CCDC38: variants seen among roughly 807,000 people sequenced by gnomAD.
CCDC38 encodes the protein coiled-coil domain containing 38, also known as coiled-coil domain-containing protein 38.
CCDC38 carries 69 observed loss-of-function variants against 72.8 expected under a neutral mutation model. That is an observed-to-expected ratio of 0.95 (90% CI 0.78 to 1.16). CCDC38 has a LOEUF of 1.16. CCDC38 is among the 50% of genes most tolerant of loss of function. CCDC38 has a pLI of 0.00. For missense variants in CCDC38, 626 were observed against 638.9 expected, an observed-to-expected ratio of 0.98 and a Z score of 0.22; for synonymous variants, 201 against 213.2, an observed-to-expected ratio of 0.94 and a Z score of 0.50.
chr12:95,871,153 G>A (rs2079576910), intron 14 of CCDC38, among the ~76,000 whole-genome samples: 2 of 152,128 alleles, frequency 1.3e-5, no homozygotes, highest in South Asian at 4.2e-4. Context: ...GTAAGCTAGG[G>A]GTCATATTTA....
intron 2 of CCDC38, among the ~76,000 whole-genome samples, chr12:95,925,464 T>C (rs1194971109): frequency 2.0e-5 from 3 of 151,938 alleles, no homozygotes; most frequent in Non-Finnish European, 2.9e-5. Flanking sequence ...GTTTTCTAGA[T>C]ATACAATCAA....
Position 95,902,598 on chromosome 12 carries a change from C to A in CCDC38, c.369+3789G>T, listed in dbSNP as rs576196482. Among the ~76,000 whole-genome samples, 11 of 152,120 alleles carry A rather than the reference C, an allele frequency of 7.2e-5. No homozygotes were observed. The South Asian group carries it at 2.1e-3, about 29-fold the overall frequency. ...TAGTAATCAGTTATGTTGATATACCCCAGTTTGGTTACCCATTTACCTGTT... is the reference window on the plus strand; with the variant it reads ...TAGTAATCAGTTATGTTGATATACCACAGTTTGGTTACCCATTTACCTGTT... On this transcript the variant is annotated intron_variant, in intron 5 of 15. Transcript: ENST00000344280.
In CCDC38 at chr12:95,890,278, C is replaced by T. The variant is rs188272325; in HGVS notation, c.871+554G>A. 3.9e-5 allele frequency among the ~76,000 whole-genome samples: 6 copies of T among 152,310 alleles called. No individual in the cohort carries two copies. In the East Asian group the frequency reaches 1.2e-3, roughly 29 times the overall value. On this transcript the variant is annotated intron_variant, in intron 9 of 15. Coordinates refer to ENST00000344280, the MANE Select transcript of CCDC38 (RefSeq NM_182496.3). ...ACACCAAAACACTGGGGCCAGATAGCGCAGCCCAGTGGGCCAAATCTCCGG... is the reference window on the plus strand; with the variant it reads ...ACACCAAAACACTGGGGCCAGATAGTGCAGCCCAGTGGGCCAAATCTCCGG...
rs2080194129 is a variant in CCDC38, at chr12:95,920,593, C to T, written c.38-1617G>A. Among the ~76,000 whole-genome samples, 6 of 151,676 alleles carry T rather than the reference C, an allele frequency of 4.0e-5. No individual in the cohort carries two copies. The South Asian group carries it at 1.2e-3, about 32-fold the overall frequency. ...TGGAAACATGTTAAGTAAAAGAAGC[C>T]AGTAACAAAGGACCACACATTATAT... is the stretch of plus-strand genomic sequence containing the variant. On this transcript the variant is annotated intron_variant, in intron 2 of 15. Transcript: ENST00000344280.
At chr12:95,892,278 CTT>C (rs774500212) in intron 8 of CCDC38, among the ~76,000 whole-genome samples, 4 of 75,976 alleles carry the variant, frequency 5.3e-5, no homozygotes, top group Non-Finnish European at 9.3e-5. Context: ...TTATTACAAT[CTT>C]TTTTTTTTTT....
chr12:95,881,319 C>T (rs567263597), intron 11 of CCDC38, among the ~76,000 whole-genome samples, 166 bp downstream of exon 11: 1 of 146,312 alleles, frequency 6.8e-6, no homozygotes, highest in African/African-American at 2.4e-5. Context: ...TGTCTTATGA[C>T]AAAGATAGAT....
At chr12:95,934,417 T>G (rs1165183080) in intron 2 of CCDC38, 1 of 152,150 alleles carries the variant, frequency 6.6e-6, no homozygotes, top group African/African-American at 2.4e-5. Flanking sequence ...ATGTCAAAAC[T>G]CATGCTGCTT....
intron 2 of CCDC38, chr12:95,919,763 T>G: frequency 2.6e-6 from 1 of 386,000 alleles, no homozygotes; most frequent in Non-Finnish European, 5.2e-6. Context: ...CAGCAACAGA[T>G]ACAGCCACTA....
intron 2 of CCDC38, chr12:95,919,500 T>C (rs1256461488): frequency 2.2e-6 from 1 of 455,846 alleles, no homozygotes; most frequent in Non-Finnish European, 4.4e-6. Flanking sequence ...GAGTATGGAG[T>C]CCTTCTCAGG....
At chr12:95,917,479 T>C (rs995970406) in intron 3 of CCDC38, among the ~76,000 whole-genome samples, 185 bp from the exon 4 acceptor site, 2 of 152,212 alleles carry the variant, frequency 1.3e-5, no homozygotes, top group African/African-American at 2.4e-5. Context: ...GCTGAGATCA[T>C]TTAACTTTTA....
At chr12:95,920,413 C>G (rs913242767) in intron 2 of CCDC38, among the ~76,000 whole-genome samples, 2 of 152,134 alleles carry the variant, frequency 1.3e-5, no homozygotes, top group Non-Finnish European at 2.9e-5. Context: ...AATTAGCCAG[C>G]CTGGGTATGT....
At chr12:95,893,470 TTCTCTCTCTCTC>T (rs796994347) in intron 8 of CCDC38, among the ~76,000 whole-genome samples, 5 of 81,060 alleles carry the variant, frequency 6.2e-5, no homozygotes, top group Admixed American at 1.2e-4. Flanking sequence ...CTCTCTCTCT[TTCTCTCTCTCTC>T]TCTTTCTTTC....
intron 5 of CCDC38, among the ~76,000 whole-genome samples, chr12:95,899,053 G>A (rs2079923800): frequency 6.6e-6 from 1 of 152,172 alleles, no homozygotes; most frequent in African/African-American, 2.4e-5. Flanking sequence ...TACTTTCTGG[G>A]AATTGGGAAA....
chr12:95,870,034 G>A (rs1480748130), intron 14 of CCDC38, among the ~76,000 whole-genome samples: 1 of 152,020 alleles, frequency 6.6e-6, no homozygotes, highest in Non-Finnish European at 1.5e-5. Flanking sequence ...ATGTTTCCCA[G>A]GCCGGTCTCG....
intron 1 of CCDC38, among the ~76,000 whole-genome samples, chr12:95,940,630 T>C (rs954777741): frequency 2.6e-5 from 4 of 152,158 alleles, no homozygotes; most frequent in Admixed American, 1.3e-4. Flanking sequence ...GAAAAGGGGC[T>C]GTGAACTGTG....
upstream of CCDC38, among the ~76,000 whole-genome samples, chr12:95,943,140 C>T (rs2136754166): frequency 6.6e-6 from 1 of 152,398 alleles, no homozygotes; most frequent in East Asian, 1.9e-4. Flanking sequence ...GTCTCCATCT[C>T]GTTTACTCGG....
chr12:95,935,543 C>A (rs573426812), intron 2 of CCDC38: 2 of 326,168 alleles, frequency 6.1e-6, no homozygotes, highest in African/African-American at 2.2e-5. Flanking sequence ...AGAGAACAAA[C>A]GTCTATCATG....
intron 4 of CCDC38, among the ~76,000 whole-genome samples, chr12:95,916,367 A>C (rs946731428): frequency 2.4e-5 from 3 of 125,714 alleles, no homozygotes; most frequent in African/African-American, 8.8e-5. Flanking sequence ...AATTTTTTTA[A>C]GTTGCCTGCC....
At chr12:95,931,918 T>C (rs532066750) in intron 2 of CCDC38, among the ~76,000 whole-genome samples, 29 of 152,214 alleles carry the variant, frequency 1.9e-4, no homozygotes, top group African/African-American at 7.0e-4. Flanking sequence ...GGAAGAGAGG[T>C]ACTGGCTGTG....
Sources: allele counts gnomAD v4.1 joint callset (sites outside exome capture counted in the v4.1 genomes callset), GRCh38; gene constraint gnomAD v4.1.1; transcripts MANE v1.5; gene names NCBI Gene and HGNC (gene_info 2026-07-23, HGNC 2026-07-21).